The following PTX3 variants were observed in gnomAD, a reference collection of about 807,000 sequenced individuals.
PTX3 encodes the protein pentraxin-related protein PTX3.
Under a neutral mutation model 23.5 loss-of-function variants are expected in PTX3, and 24 were observed. The ratio of observed to expected loss-of-function variants is 1.02; its 90% confidence interval spans 0.74 to 1.43. The LOEUF is 1.43. PTX3 is among the 40% of genes most tolerant of loss of function. PTX3 has a pLI of 0.00. For missense variants in PTX3, 510 were observed against 497.5 expected, an observed-to-expected ratio of 1.02 and a Z score of -0.24; for synonymous variants, 218 against 205.4, an observed-to-expected ratio of 1.06 and a Z score of -0.53.
chr3:157,437,868 C>G lies in PTX3; in HGVS notation c.486C>G (p.Asp162Glu). ...VLEELRQTRA[D>E]LHAVQGWAAR... The stretch of plus-strand genomic sequence containing the variant: ...AGGAGCTGCGGCAGACGCGAGCCGA[C>G]CTGCACGCGGTGCAGGGCTGGGCTG... Residue 162 changes from aspartate to glutamate, a missense_variant, in exon 2 of 3, where the codon GAC becomes GAG. Coordinates refer to ENST00000295927, the MANE Select transcript of PTX3 (RefSeq NM_002852.4). The G allele has an allele frequency of 6.7e-7, 1 of 1,503,438 alleles. No individual in the cohort carries two copies. Among genetic ancestry groups the G allele is most frequent in the South Asian group, 1.2e-5 (1 of 81,394 alleles). The allele number at this position is 1,503,438 out of a possible 1,614,324, so 93.1% of individuals were successfully genotyped here.
intron 2 of PTX3, among the ~76,000 whole-genome samples, chr3:157,438,491 C>G (rs1038066044): frequency 4.1e-4 from 62 of 152,244 alleles, no homozygotes; most frequent in African/African-American, 1.4e-3. Context: ...GAAGGGTCAG[C>G]GGAATTCTTC....
In PTX3 at chr3:157,443,630, C is replaced by T. The variant is rs534579269; in HGVS notation, c.*651C>T. ...TATAAATTTAAGAGATGTTTTGGAG[C>T]AAACTCGTACTTTTCTCTTTTCATT... is the stretch of plus-strand genomic sequence containing the variant. On this transcript the variant is annotated 3_prime_UTR_variant, in exon 3 of 3. Transcript: ENST00000295927. The T allele has an allele frequency of 1.3e-5, 2 of 152,476 alleles. No individual in the cohort carries two copies. The highest frequency in any genetic ancestry group is 2.1e-4 in the South Asian group (1 of 4,826). The allele number at this position is 152,476 out of a possible 1,614,324, so 9.4% of individuals were successfully genotyped here.
intron 2 of PTX3, 102 bp downstream of exon 2, chr3:157,438,016 G>C: frequency 7.4e-7 from 1 of 1,343,904 alleles, no homozygotes; most frequent in South Asian, 1.3e-5. Context: ...AAGCTTTCAT[G>C]GGAAGCGCGC....
At position 157,443,056 on chromosome 3, in the gene PTX3, C is replaced by T. The variant is rs1454040049; in HGVS notation, c.*77C>T. The T allele has an allele frequency of 2.0e-6, 3 of 1,496,678 alleles. No individual in the cohort carries two copies. The highest frequency in any genetic ancestry group is 2.7e-6 in the Non-Finnish European group (3 of 1,116,372). 92.7% of individuals were successfully genotyped at this position (1,496,678 alleles called of 1,614,324 possible). A position where few individuals can be genotyped will look rare whatever the true frequency, so the allele number is the denominator to read the frequency against. On this transcript the variant is annotated 3_prime_UTR_variant, in exon 3 of 3. Coordinates refer to ENST00000295927, the MANE Select transcript of PTX3 (RefSeq NM_002852.4). Reference sequence around the variant, plus strand: ...CATGCCAGTTGGGAAGGTCTGAAAACTCAGTGCATAATAGGAACACTTGAG... The same window carrying T: ...CATGCCAGTTGGGAAGGTCTGAAAATTCAGTGCATAATAGGAACACTTGAG...
chr3:157,438,002 G>T lies in PTX3; in HGVS notation c.532+88G>T, dbSNP rs562805832. 104 of 1,453,054 alleles carry T rather than the reference G, an allele frequency of 7.2e-5. 1 individual carries two copies. In the South Asian group the frequency reaches 1.3e-3, roughly 18 times the overall value. 90.0% of individuals were successfully genotyped at this position (1,453,054 alleles called of 1,614,324 possible). A position where few individuals can be genotyped will look rare whatever the true frequency, so the allele number is the denominator to read the frequency against. On this transcript the variant is annotated intron_variant, in intron 2 of 2. Coordinates refer to ENST00000295927, the MANE Select transcript of PTX3 (RefSeq NM_002852.4). ...GCAAGCCAAGCCAGGCAACCTTCTA[G>T]GGGAAGCTTTCATGGGAAGCGCGCG... is the stretch of plus-strand genomic sequence containing the variant.
rs866571121 is a variant in PTX3, at chr3:157,438,340, C to A, written c.532+426C>A. On this transcript the variant is annotated intron_variant, in intron 2 of 2. Transcript: ENST00000295927. The stretch of plus-strand genomic sequence containing the variant: ...CACGTCTTCTAATTTTATCCTGCCT[C>A]TGTCTTTAGAGGAGCTCTGGTTTCC... 3.3e-5 allele frequency among the ~76,000 whole-genome samples: 5 copies of A among 152,036 alleles called. No individual in the cohort carries two copies. The South Asian group carries it at 1.0e-3, about 32-fold the overall frequency.
rs899856247 is a variant in PTX3 at position 157,437,040 on chromosome 3, A to G, written c.107A>G (p.Asn36Ser). 6.2e-7 allele frequency: 1 copy of G among 1,613,824 alleles called. No homozygotes were observed. Among genetic ancestry groups the G allele is most frequent in the East Asian group, 2.2e-5 (1 of 44,878 alleles). The change falls in exon 1 of 3, where the codon AAT becomes AGT. Residue 36 changes from asparagine to serine, a missense_variant. Transcript: ENST00000295927. The part of the protein sequence containing the change: ...MYVNLDNEID[N>S]GLHPTEDPTP... ...GTGAATTTGGACAACGAAATAGACA[A>G]TGGACTCCATCCCACTGAGGACCGT... is the stretch of plus-strand genomic sequence containing the variant.
chr3:157,438,334 C>T (rs1733837917), intron 2 of PTX3, among the ~76,000 whole-genome samples: 1 of 152,058 alleles, frequency 6.6e-6, no homozygotes, highest in Non-Finnish European at 1.5e-5. Context: ...TAATTTTATC[C>T]TGCCTCTGTC....
chr3:157,438,057 A>C (rs1445310964), intron 2 of PTX3, 143 bp downstream of exon 2: 1 of 744,646 alleles, frequency 1.3e-6, no homozygotes, highest in Non-Finnish European at 2.1e-6. Context: ...ACACACACAC[A>C]CACACACACA....
intron 2 of PTX3, among the ~76,000 whole-genome samples, chr3:157,440,674 G>T (rs1232962580): frequency 6.6e-6 from 1 of 151,254 alleles, no homozygotes; most frequent in Non-Finnish European, 1.5e-5. Flanking sequence ...GTATATATAC[G>T]TATACATACA....
chr3:157,440,788 C>T (rs889731615), intron 2 of PTX3, among the ~76,000 whole-genome samples: 2 of 152,116 alleles, frequency 1.3e-5, no homozygotes, highest in Non-Finnish European at 1.5e-5. Context: ...ATGGCTAAGT[C>T]GCCTTGAGAT....
intron 2 of PTX3, among the ~76,000 whole-genome samples, chr3:157,441,869 T>C (rs547610910): frequency 6.6e-6 from 1 of 151,528 alleles, no homozygotes; most frequent in East Asian, 1.9e-4. Flanking sequence ...TGCTGAAAAA[T>C]GCATGTTGGT....
Position 157,443,114 on chromosome 3 carries a change from A to G in PTX3, c.*135A>G. 1 of 1,056,260 alleles carries G rather than the reference A, an allele frequency of 9.5e-7. No individual in the cohort carries two copies. Among genetic ancestry groups the G allele is most frequent in the South Asian group, 1.7e-5 (1 of 57,200 alleles). The allele number at this position is 1,056,260 out of a possible 1,614,324, so 65.4% of individuals were successfully genotyped here. ...AAAGAGAGAGTTGAGACCAATCTTT[A>G]TTTGTACTGGCCAAATACTGAATAA... On this transcript the variant is annotated 3_prime_UTR_variant, in exon 3 of 3. Transcript: ENST00000295927.
At chr3:157,442,242 G>A in intron 2 of PTX3, 124 bp from the exon 3 acceptor site, 1 of 909,254 alleles carries the variant, frequency 1.1e-6, no homozygotes, top group South Asian at 2.0e-5. Flanking sequence ...AAGTCGTAAT[G>A]TAGGGTTTCA....
In PTX3 at chr3:157,442,407, A is replaced by G. The variant is rs762560584; in HGVS notation, c.574A>G (p.Ile192Val). 37 of 1,613,494 alleles carry G rather than the reference A, an allele frequency of 2.3e-5. No individual in the cohort carries two copies. The highest frequency in any genetic ancestry group is 3.1e-5 in the Non-Finnish European group (37 of 1,179,574). Reference sequence around the variant, plus strand: ...TTTATTCCCAATGCGTTCCAAGAAGATTTTTGGAAGCGTGCATCCAGTGAG... The same window carrying G: ...TTTATTCCCAATGCGTTCCAAGAAGGTTTTTGGAAGCGTGCATCCAGTGAG... ...AILFPMRSKK[I>V]FGSVHPVRPM... Residue 192 changes from isoleucine to valine, a missense_variant, in exon 3 of 3, where the codon ATT becomes GTT. Transcript: ENST00000295927.
rs1209688854 is a variant in PTX3 at position 157,442,842 on chromosome 3, A to G, written c.1009A>G (p.Asn337Asp). ...LAFSGRLTGF[N>D]IWDSVLSNEE... ...CTTCTCTGGGAGACTCACAGGCTTCAATATCTGGGATAGTGTTCTTAGCAA... is the reference window on the plus strand; with the variant it reads ...CTTCTCTGGGAGACTCACAGGCTTCGATATCTGGGATAGTGTTCTTAGCAA... Residue 337 changes from asparagine (N) to aspartate (D), a missense_variant, in exon 3 of 3, where the codon AAT becomes GAT. Coordinates refer to ENST00000295927, the MANE Select transcript of PTX3 (RefSeq NM_002852.4). The G allele has an allele frequency of 1.2e-6, 2 of 1,614,228 alleles. No homozygotes were observed. The highest frequency in any genetic ancestry group is 4.5e-5 in the East Asian group (2 of 44,888).
At chr3:157,438,037 GCACACACA>G (rs781700719) in intron 2 of PTX3, 123 bp downstream of exon 2, 28 of 516,024 alleles carry the variant, frequency 5.4e-5, no homozygotes, top group Admixed American at 1.7e-4. Flanking sequence ...GCGCGCGCGC[GCACACACA>G]CACACACACA....
intron 2 of PTX3, among the ~76,000 whole-genome samples, chr3:157,441,764 C>T (rs115115917): frequency 0.015 from 2,198 of 151,168 alleles, 51 homozygotes; most frequent in African/African-American, 0.05. Flanking sequence ...GAGTCGAGAT[C>T]GCACTACTGC....
At chr3:157,438,471 C>G (rs1218443811) in intron 2 of PTX3, among the ~76,000 whole-genome samples, 1 of 152,156 alleles carries the variant, frequency 6.6e-6, no homozygotes, top group Non-Finnish European at 1.5e-5. Context: ...GAGGCTAAAG[C>G]TAATCTCCCG....
Sources: allele counts gnomAD v4.1 joint callset (sites outside exome capture counted in the v4.1 genomes callset), GRCh38; gene constraint gnomAD v4.1.1; transcripts MANE v1.5; gene names NCBI Gene and HGNC (gene_info 2026-07-23, HGNC 2026-07-21).